The following MYO6 variants were observed in gnomAD, a reference collection of about 807,000 sequenced individuals.
MYO6 encodes myosin VI.
In MYO6, 74 loss-of-function variants were observed where a neutral mutation model predicts 178.7. The ratio of observed to expected loss-of-function variants is 0.41; its 90% CI spans 0.34 to 0.50. The LOEUF (loss-of-function observed/expected upper bound fraction) is 0.50, where lower values mean the gene tolerates loss of function less well. MYO6 is among the 20% of genes least tolerant of loss of function. MYO6 has a pLI of 0.09. For synonymous variants in MYO6, 477 were observed against 504.6 expected, an observed-to-expected ratio of 0.95 and a Z score of 0.73; for missense variants, 1,330 against 1,547.4, an observed-to-expected ratio of 0.86 and a Z score of 2.36.
chr6:75,847,511 T>TTTC (rs35858387), intron 10 of MYO6, among the ~76,000 whole-genome samples: 19,687 of 151,970 alleles, frequency 0.13, 1,341 homozygotes, highest in Non-Finnish European at 0.15. Context: ...CAGTCCTGAC[T>TTTC]TTCTTCTTTT....
At chr6:75,801,482 G>A (rs1239907257) in intron 1 of MYO6, among the ~76,000 whole-genome samples, 2 of 152,112 alleles carry the variant, frequency 1.3e-5, no homozygotes, top group African/African-American at 4.8e-5. Flanking sequence ...AAGACTGTAT[G>A]GGCACAGATG....
chr6:75,894,481 C>T (rs1779138281), intron 28 of MYO6, among the ~76,000 whole-genome samples: 1 of 152,124 alleles, frequency 6.6e-6, no homozygotes, highest in African/African-American at 2.4e-5. Flanking sequence ...TTTCCCTGAC[C>T]CTCAGGTCCT....
At chr6:75,803,696 C>T (rs181129075) in intron 1 of MYO6, among the ~76,000 whole-genome samples, 63 of 152,050 alleles carry the variant, frequency 4.1e-4, no homozygotes, top group African/African-American at 1.5e-3. Context: ...TCTTCTTTGT[C>T]CCGAGTTTGG....
intron 32 of MYO6, 82 bp downstream of exon 32, chr6:75,908,709 T>A (rs1780536707): frequency 1.4e-6 from 2 of 1,461,072 alleles, no homozygotes; most frequent in South Asian, 2.3e-5. Flanking sequence ...ATGGGTAAAA[T>A]GTCCCATATA....
At chr6:75,835,692 A>G (rs555447801) in intron 6 of MYO6, among the ~76,000 whole-genome samples, 16 of 152,304 alleles carry the variant, frequency 1.1e-4, no homozygotes, top group African/African-American at 3.9e-4. Context: ...TTGGCCTCCC[A>G]AAATGCTGGG....
At chr6:75,833,716 C>T (rs1387359324) in intron 6 of MYO6, among the ~76,000 whole-genome samples, 1 of 152,148 alleles carries the variant, frequency 6.6e-6, no homozygotes, top group Non-Finnish European at 1.5e-5. Flanking sequence ...TATTGTAGAT[C>T]TGTGGTACAT....
At chr6:75,768,919 C>T (rs1229452952) in intron 1 of MYO6, among the ~76,000 whole-genome samples, 2 of 152,164 alleles carry the variant, frequency 1.3e-5, no homozygotes, top group Non-Finnish European at 2.9e-5. Flanking sequence ...GCATCTGCTT[C>T]TGGTGAGGGC....
rs1056538884 is a variant in MYO6 at position 75,749,277 on chromosome 6, C to T, written c.-194C>T. The stretch of plus-strand genomic sequence containing the variant: ...GGATCTGTCCGAGCAGGAAGCCAGC[C>T]TCAGCCCGGCCGCTGTCGCCGCCCT... On this transcript the variant is annotated 5_prime_UTR_variant, in exon 1 of 35. Coordinates refer to ENST00000369977, the MANE Select transcript of MYO6 (RefSeq NM_004999.4). The T allele has an allele frequency of 6.6e-6, 1 of 152,484 alleles. No homozygotes were observed. The allele number at this position is 152,484 out of a possible 1,614,324, so 9.4% of individuals were successfully genotyped here. A position where few individuals can be genotyped will look rare whatever the true frequency, so the allele number is the denominator to read the frequency against.
At chr6:75,796,432 A>G (rs142661377) in intron 1 of MYO6, among the ~76,000 whole-genome samples, 2 of 151,966 alleles carry the variant, frequency 1.3e-5, no homozygotes, top group East Asian at 1.9e-4. Flanking sequence ...TTTGAAAATT[A>G]TAATTTCACC....
chr6:75,836,951 A>G (rs996612662), intron 7 of MYO6, among the ~76,000 whole-genome samples: 4 of 152,202 alleles, frequency 2.6e-5, no homozygotes, highest in Non-Finnish European at 5.9e-5. Context: ...CCCTAGATTC[A>G]TAACATCACC....
At chr6:75,891,635 A>G (rs1177881391) in intron 27 of MYO6, among the ~76,000 whole-genome samples, 1 of 152,110 alleles carries the variant, frequency 6.6e-6, no homozygotes, top group Non-Finnish European at 1.5e-5. Context: ...CCATCTCAAA[A>G]AAAATAAAAA....
At chr6:75,912,610 AATGACT>A (rs1780846530) in intron 33 of MYO6, among the ~76,000 whole-genome samples, 1 of 152,114 alleles carries the variant, frequency 6.6e-6, no homozygotes, top group African/African-American at 2.4e-5. Context: ...TTAATTAATG[AATGACT>A]ATCAGTATCA....
chr6:75,915,275 T>C lies in MYO6; in HGVS notation c.*263T>C, dbSNP rs552963186. The C allele has an allele frequency of 1.6e-4, 76 of 489,628 alleles. No individual in the cohort carries two copies. Among genetic ancestry groups the C allele is most frequent in the African/African-American group, 9.1e-4 (47 of 51,534 alleles). The allele number at this position is 489,628 out of a possible 1,614,324, so 30.3% of individuals were successfully genotyped here. A position where few individuals can be genotyped will look rare whatever the true frequency, so the allele number is the denominator to read the frequency against. ...TATTACACATGGGCATATTCTGATG[T>C]TTCTCATCCTTTGCCAGAAGACTAC... On this transcript the variant is annotated 3_prime_UTR_variant, in exon 35 of 35. Coordinates refer to ENST00000369977, the MANE Select transcript of MYO6 (RefSeq NM_004999.4).
chr6:75,820,378 T>C (rs1157700480), intron 2 of MYO6, among the ~76,000 whole-genome samples: 1 of 152,146 alleles, frequency 6.6e-6, no homozygotes, highest in Non-Finnish European at 1.5e-5. Flanking sequence ...ATTTTATTTA[T>C]TTATTTTTGA....
chr6:75,789,671 T>C (rs1768034023), intron 1 of MYO6, among the ~76,000 whole-genome samples: 1 of 152,202 alleles, frequency 6.6e-6, no homozygotes, highest in Non-Finnish European at 1.5e-5. Context: ...TACAATGTGA[T>C]GTTTCAGTGC....
chr6:75,878,770 A>C (rs1562277166), intron 20 of MYO6, among the ~76,000 whole-genome samples: 1 of 152,192 alleles, frequency 6.6e-6, no homozygotes, highest in Non-Finnish European at 1.5e-5. Context: ...TTATTGAATA[A>C]TCTTACTTTC....
In MYO6 at chr6:75,879,868, C is replaced by T. The variant is rs756518411; in HGVS notation, c.2126C>T (p.Ala709Val). The T allele has an allele frequency of 6.2e-7, 1 of 1,613,940 alleles. No individual in the cohort carries two copies. Among genetic ancestry groups the T allele is most frequent in the African/African-American group, 1.3e-5 (1 of 74,902 alleles). The change falls in exon 21 of 35, where the codon GCT (alanine) becomes GTT (valine). Residue 709 changes from alanine to valine, a missense_variant. Physicochemically the swap from Ala to Val is moderately conservative, Grantham distance 64. Transcript: ENST00000369977. ...DLMQGGYPSR[A>V]SFHELYNMYK... ...ATGCAGGGTGGTTACCCATCACGAG[C>T]TTCATTTCATGAACTCTACAACATG...
At chr6:75,879,726 T>C in intron 20 of MYO6, 94 bp from the exon 21 acceptor site, 1 of 1,577,412 alleles carries the variant, frequency 6.3e-7, no homozygotes, top group Non-Finnish European at 8.7e-7. Flanking sequence ...AATTGCCCGT[T>C]TCTAAACAGT....
chr6:75,770,004 C>T (rs1278456487), intron 1 of MYO6, among the ~76,000 whole-genome samples: 1 of 152,102 alleles, frequency 6.6e-6, no homozygotes, highest in Non-Finnish European at 1.5e-5. Flanking sequence ...GGCAGTGGCC[C>T]CCTTCTCACA....
Sources: gnomAD v4.1 joint callset for allele counts (sites outside exome capture counted in the v4.1 genomes callset) on GRCh38, gnomAD v4.1.1 for gene constraint, MANE v1.5 for transcripts, NCBI Gene and HGNC (gene_info 2026-07-23, HGNC 2026-07-21) for gene names.